The following ZPBP variants were observed in gnomAD, a reference collection of about 807,000 sequenced individuals.
The protein encoded by ZPBP is zona pellucida-binding protein 1.
A neutral mutation model predicts 44.8 loss-of-function variants in ZPBP; 26 were observed. The ratio of observed to expected loss-of-function variants is 0.58; its 90% CI spans 0.43 to 0.81. The LOEUF (loss-of-function observed/expected upper bound fraction) is 0.81, where lower values mean the gene tolerates loss of function less well. ZPBP is among the 30% of genes least tolerant of loss of function. The probability of loss-of-function intolerance (pLI) is 0.00; values close to 1 mark genes in which losing one functional copy is unlikely to be tolerated. For missense variants in ZPBP, 409 were observed against 434.0 expected (o/e 0.94, Z 0.51); for synonymous variants, 174 against 153.2 (o/e 1.14, Z -1.00).
At chr7:49,880,305 T>A (rs1220218653) in intron 2 of ZPBP, among the ~76,000 whole-genome samples, 2 of 152,100 alleles carry the variant, frequency 1.3e-5, no homozygotes, top group Admixed American at 1.3e-4. Context: ...TCATTTTGTA[T>A]TTTTAACGCA....
intron 7 of ZPBP, chr7:49,943,751 A>T: frequency 4.0e-6 from 1 of 251,374 alleles, no homozygotes; most frequent in Non-Finnish European, 7.8e-6. Flanking sequence ...ACGGGTACCC[A>T]TTGGATCTCT....
In ZPBP at chr7:49,989,070, C is replaced by T. The variant is rs116719953; in HGVS notation, c.784-5551G>A. On this transcript the variant is annotated intron_variant, in intron 6 of 7. Transcript: ENST00000046087. Reference sequence around the variant, plus strand: ...AGTTCTGAGTATTCTTAATTTATGCCGTTATAGTTGTTTGCATCAGTACAA... The same window carrying T: ...AGTTCTGAGTATTCTTAATTTATGCTGTTATAGTTGTTTGCATCAGTACAA... 4.7e-3 allele frequency among the ~76,000 whole-genome samples: 711 copies of T among 152,148 alleles called. 5 individuals are homozygous for T. The highest frequency in any genetic ancestry group is 0.016 in the African/African-American group (672 of 41,502).
chr7:50,093,173 G>A lies in ZPBP; in HGVS notation c.22C>T (p.Pro8Ser), dbSNP rs996349589. 2.0e-6 allele frequency: 3 copies of A among 1,536,624 alleles called. No homozygotes were observed. Among genetic ancestry groups the A allele is most frequent in the Non-Finnish European group, 2.6e-6 (3 of 1,143,066 alleles). ...GTCCGCCGCCTGCCCCGCCGCGCTG[G>A]GCCAAGGGCGAAGGCCTCCATCCAC... MEAFALG[P>S]ARRGRRRTRA... The change falls in exon 1 of 8, where the codon CCA (proline) becomes TCA (serine). Residue 8 changes from proline (P) to serine (S), a missense_variant. Pro to Ser is a moderately conservative substitution (Grantham distance 74). Transcript: ENST00000046087.
intron 1 of ZPBP, among the ~76,000 whole-genome samples, chr7:49,929,232 T>C (rs1056244573): frequency 1.3e-5 from 2 of 152,160 alleles, no homozygotes; most frequent in African/African-American, 2.4e-5. Flanking sequence ...TCCATAGTCA[T>C]GGAAGGATAT....
At chr7:49,849,743 C>T (rs762314011), downstream of ZPBP, among the ~76,000 whole-genome samples, 11 of 152,206 alleles carry the variant, frequency 7.2e-5, no homozygotes, top group Non-Finnish European at 1.3e-4. Context: ...GGCAACCAGC[C>T]TGTCACTTAT....
At chr7:49,891,737 G>A (rs1792137506) in intron 2 of ZPBP, among the ~76,000 whole-genome samples, 1 of 152,192 alleles carries the variant, frequency 6.6e-6, no homozygotes, top group Admixed American at 6.5e-5. Context: ...AAGTACACAT[G>A]CCCTGTGACC....
Position 49,961,118 on chromosome 7 carries a change from C to A in ZPBP, c.961+22224G>T, listed in dbSNP as rs374382946. On this transcript the variant is annotated intron_variant, in intron 7 of 7. Transcript: ENST00000046087. ...GCAATCACAGTCATAGGTATTTTTC[C>A]AGGAGAAATGAAAATATATATCCAC... is the stretch of plus-strand genomic sequence containing the variant. 1.5e-3 allele frequency among the ~76,000 whole-genome samples: 234 copies of A among 152,126 alleles called. 3 individuals carry two copies. Among genetic ancestry groups the A allele is most frequent in the African/African-American group, 5.4e-3 (224 of 41,514 alleles).
chr7:49,980,275 A>C (rs12534289), intron 7 of ZPBP, among the ~76,000 whole-genome samples: 1 of 92,988 alleles, frequency 1.1e-5, no homozygotes, highest in Non-Finnish European at 2.1e-5. Flanking sequence ...ATAAATATAT[A>C]ATATATATAA....
At chr7:49,843,333 A>G in the ZPBP span, among the ~76,000 whole-genome samples, 7 of 152,120 alleles carry the variant, frequency 4.6e-5, no homozygotes, top group East Asian at 1.3e-3. Context: ...GCTCTCAGAA[A>G]CATCAGATGT....
At chr7:50,061,115 T>A (rs972031590) in intron 3 of ZPBP, among the ~76,000 whole-genome samples, 5 of 152,154 alleles carry the variant, frequency 3.3e-5, no homozygotes, top group Non-Finnish European at 7.3e-5. Flanking sequence ...TCAACCTCCC[T>A]TTATGTTAAA....
At chr7:49,962,651 T>C (rs1226691163) in intron 7 of ZPBP, among the ~76,000 whole-genome samples, 1 of 151,742 alleles carries the variant, frequency 6.6e-6, no homozygotes, top group Non-Finnish European at 1.5e-5. Context: ...TAAAAAGAAA[T>C]AATGAGCAAA....
At chr7:50,071,005 G>T (rs1205989445) in intron 3 of ZPBP, among the ~76,000 whole-genome samples, 1 of 152,130 alleles carries the variant, frequency 6.6e-6, no homozygotes, top group African/African-American at 2.4e-5. Flanking sequence ...TTCTCAGGGG[G>T]AACTGGGTTT....
intron 5 of ZPBP, among the ~76,000 whole-genome samples, chr7:50,020,397 G>C (rs1043078712): frequency 4.6e-5 from 7 of 152,130 alleles, no homozygotes; most frequent in African/African-American, 1.7e-4. Flanking sequence ...TATCTTTTCA[G>C]AATCAGTATA....
chr7:49,843,284 A>G, the ZPBP span, among the ~76,000 whole-genome samples: 1 of 152,198 alleles, frequency 6.6e-6, no homozygotes, highest in Non-Finnish European at 1.5e-5. Flanking sequence ...TCATTTTCTC[A>G]TGGGTGAGCC....
chr7:50,042,236 T>C (rs1584104341), intron 4 of ZPBP, among the ~76,000 whole-genome samples: 1 of 152,174 alleles, frequency 6.6e-6, no homozygotes, highest in East Asian at 1.9e-4. Flanking sequence ...TGGAATCAAG[T>C]TGGAAAACAC....
At chr7:49,888,115 A>G (rs999495214) in intron 2 of ZPBP, among the ~76,000 whole-genome samples, 6 of 152,250 alleles carry the variant, frequency 3.9e-5, no homozygotes, top group Admixed American at 2.6e-4. Flanking sequence ...GTGAGGTCAC[A>G]TTAGTAGCTC....
At chr7:50,045,062 C>T (rs1304079698) in intron 4 of ZPBP, among the ~76,000 whole-genome samples, 1 of 152,148 alleles carries the variant, frequency 6.6e-6, no homozygotes, top group Non-Finnish European at 1.5e-5. Context: ...ATGATTATCT[C>T]AATATATGCA....
intron 2 of ZPBP, among the ~76,000 whole-genome samples, chr7:49,862,980 C>T (rs1790719290): frequency 6.6e-6 from 1 of 152,130 alleles, no homozygotes. Flanking sequence ...TGGCCTCTTA[C>T]AGTGAGGTAG....
chr7:50,027,914 C>A (rs1477135434), intron 5 of ZPBP, among the ~76,000 whole-genome samples: 2 of 151,908 alleles, frequency 1.3e-5, no homozygotes, highest in African/African-American at 2.4e-5. Context: ...GTTTGAATCA[C>A]TAATCAAAAA....
Sources: gnomAD v4.1 joint callset for allele counts (sites outside exome capture counted in the v4.1 genomes callset) on GRCh38, gnomAD v4.1.1 for gene constraint, MANE v1.5 for transcripts, NCBI Gene and HGNC (gene_info 2026-07-23, HGNC 2026-07-21) for gene names.